ROBO2: variants seen among roughly 807,000 people sequenced by gnomAD.
ROBO2 encodes roundabout guidance receptor 2.
In ROBO2, 53 loss-of-function variants were observed where a neutral mutation model predicts 160.8. The ratio of observed to expected loss-of-function variants is 0.33; its 90% CI spans 0.26 to 0.41. The LOEUF (loss-of-function observed/expected upper bound fraction) is 0.41, where lower values mean the gene tolerates loss of function less well. Ranked by LOEUF, ROBO2 falls within the 10% of genes least tolerant of loss-of-function variation. ROBO2 has a pLI of 1.00. For missense variants in ROBO2, 1,577 were observed against 1,722.4 expected (o/e 0.92, Z 1.49); for synonymous variants, 664 against 611.7 (o/e 1.09, Z -1.26).
chr3:77,449,114 A>C (rs2080871550), intron 2 of ROBO2, among the ~76,000 whole-genome samples: 2 of 152,142 alleles, frequency 1.3e-5, no homozygotes, highest in Admixed American at 1.3e-4. Flanking sequence ...AAAAGGTGTA[A>C]AAATCATAAA....
chr3:76,894,413 G>A (rs1170313010), intron 2 of ROBO2, among the ~76,000 whole-genome samples: 1 of 151,986 alleles, frequency 6.6e-6, no homozygotes, highest in African/African-American at 2.4e-5. Context: ...ATCTTAAATT[G>A]TTATGTCAAA....
chr3:76,806,214 C>CAT (rs1553912102), intron 2 of ROBO2, among the ~76,000 whole-genome samples: 3 of 146,168 alleles, frequency 2.1e-5, no homozygotes, highest in East Asian at 2.0e-4. Context: ...TTTCTGTGTG[C>CAT]GTGTGTGTGT....
At chr3:77,504,296 T>C (rs1008584723) in intron 5 of ROBO2, among the ~76,000 whole-genome samples, 2 of 152,212 alleles carry the variant, frequency 1.3e-5, no homozygotes, top group Non-Finnish European at 2.9e-5. Context: ...TTTATAAAGA[T>C]GATCTGGTTG....
At chr3:77,570,107 A>G (rs371034544) in intron 13 of ROBO2, among the ~76,000 whole-genome samples, 1 of 151,952 alleles carries the variant, frequency 6.6e-6, no homozygotes, top group Non-Finnish European at 1.5e-5. Flanking sequence ...ACTACGCTGT[A>G]TTTTTCACAG....
At chr3:76,937,811 G>A (rs1182839163) in intron 2 of ROBO2, among the ~76,000 whole-genome samples, 2 of 152,074 alleles carry the variant, frequency 1.3e-5, no homozygotes, top group Non-Finnish European at 2.9e-5. Context: ...ACTGAATTCA[G>A]TTCTTCAAAG....
At chr3:76,586,809 G>A (rs1030768683) in intron 2 of ROBO2, among the ~76,000 whole-genome samples, 1 of 152,166 alleles carries the variant, frequency 6.6e-6, no homozygotes, top group Non-Finnish European at 1.5e-5. Flanking sequence ...AATTAAAAAA[G>A]GAGTACTGAT....
At chr3:76,101,026 T>TAA (rs528537410) in intron 2 of ROBO2, among the ~76,000 whole-genome samples, 1 of 146,362 alleles carries the variant, frequency 6.8e-6, no homozygotes, top group Non-Finnish European at 1.5e-5. Context: ...GTGCTGTGTA[T>TAA]AAAAAAAAAA....
chr3:76,863,535 G>A (rs62261841), intron 2 of ROBO2, among the ~76,000 whole-genome samples: 18,790 of 151,648 alleles, frequency 0.12, 1,332 homozygotes, highest in East Asian at 0.24. Context: ...TCATAGAACA[G>A]TGTATCTTAT....
intron 2 of ROBO2, among the ~76,000 whole-genome samples, chr3:76,798,045 A>G (rs2063830225): frequency 6.6e-6 from 1 of 151,400 alleles, no homozygotes; most frequent in Non-Finnish European, 1.5e-5. Context: ...AATTTTTCCA[A>G]ACTCATTCTA....
chr3:76,522,963 G>A (rs3849503), intron 2 of ROBO2, among the ~76,000 whole-genome samples: 20,064 of 148,050 alleles, frequency 0.14, 2,959 homozygotes, highest in African/African-American at 0.37. Flanking sequence ...TTTTTATTAT[G>A]ATTATATAAT....
chr3:76,351,565 C>T (rs951314683), intron 2 of ROBO2, among the ~76,000 whole-genome samples: 33 of 151,852 alleles, frequency 2.2e-4, no homozygotes, highest in Non-Finnish European at 4.1e-4. Context: ...TAGAATTTTC[C>T]CCATTTCCTG....
chr3:77,187,740 C>T (rs2150911879), intron 2 of ROBO2, among the ~76,000 whole-genome samples: 1 of 151,870 alleles, frequency 6.6e-6, no homozygotes, highest in Non-Finnish European at 1.5e-5. Context: ...TATTTTCAGT[C>T]CCCAAAAGTT....
chr3:76,243,350 G>C (rs1705417647), intron 2 of ROBO2, among the ~76,000 whole-genome samples: 1 of 152,180 alleles, frequency 6.6e-6, no homozygotes, highest in African/African-American at 2.4e-5. Flanking sequence ...TCAGGGAATG[G>C]AGGGTGGGGA....
At chr3:76,456,521 A>G (rs2077763850) in intron 2 of ROBO2, among the ~76,000 whole-genome samples, 1 of 152,208 alleles carries the variant, frequency 6.6e-6, no homozygotes, top group African/African-American at 2.4e-5. Flanking sequence ...CAGACCTTGG[A>G]CCAGGTTTCC....
intron 2 of ROBO2, among the ~76,000 whole-genome samples, chr3:76,439,202 C>T (rs1210031329): frequency 6.6e-6 from 1 of 151,912 alleles, no homozygotes; most frequent in African/African-American, 2.4e-5. Flanking sequence ...AGGGTCTAGG[C>T]AATTGTGAAT....
At chr3:77,343,962 A>G (rs926763653) in intron 2 of ROBO2, among the ~76,000 whole-genome samples, 2 of 152,168 alleles carry the variant, frequency 1.3e-5, no homozygotes, top group African/African-American at 2.4e-5. Context: ...AGGTTATATG[A>G]GTCAGCATAG....
At chr3:76,224,452 C>T (rs893841180) in intron 2 of ROBO2, among the ~76,000 whole-genome samples, 3 of 152,116 alleles carry the variant, frequency 2.0e-5, no homozygotes, top group Non-Finnish European at 4.4e-5. Flanking sequence ...AGAAAATTTA[C>T]CCTTTCTCCA....
At chr3:76,338,751 TTTTA>T (rs2074042721) in intron 2 of ROBO2, among the ~76,000 whole-genome samples, 1 of 150,264 alleles carries the variant, frequency 6.7e-6, no homozygotes, top group Non-Finnish European at 1.5e-5. Flanking sequence ...GTATAATTAT[TTTTA>T]TTAATCAAAT....
intron 2 of ROBO2, among the ~76,000 whole-genome samples, chr3:76,980,527 A>G (rs1489857178): frequency 6.6e-6 from 1 of 152,216 alleles, no homozygotes; most frequent in Non-Finnish European, 1.5e-5. Context: ...TAATGGGATA[A>G]CATCAATAAC....
Sources: gnomAD v4.1 joint callset for allele counts (sites outside exome capture counted in the v4.1 genomes callset) on GRCh38, gnomAD v4.1.1 for gene constraint, MANE v1.5 for transcripts, NCBI Gene and HGNC (gene_info 2026-07-23, HGNC 2026-07-21) for gene names.